The following G3BP2 variants were observed in gnomAD, a reference collection of about 807,000 sequenced individuals.
G3BP2 encodes the protein ras GTPase-activating protein-binding protein 2.
A neutral mutation model predicts 56.7 loss-of-function variants in G3BP2; 11 were observed. That is an observed-to-expected ratio of 0.19 (90% CI 0.12 to 0.32). The LOEUF (loss-of-function observed/expected upper bound fraction) is 0.32. Among genes scored for constraint, G3BP2 ranks in the 10% least tolerant of loss-of-function variants. The pLI, the probability that G3BP2 is intolerant of heterozygous loss-of-function variation, is 1.00. For synonymous variants in G3BP2, 165 were observed against 191.6 expected, an observed-to-expected ratio of 0.86 and a Z score of 1.15; for missense variants, 340 against 610.9, an observed-to-expected ratio of 0.56 and a Z score of 4.67.
upstream of G3BP2, among the ~76,000 whole-genome samples, chr4:75,676,219 GCAATGTCCAC>G (rs906040425): frequency 3.3e-5 from 5 of 152,124 alleles, no homozygotes; most frequent in Admixed American, 3.3e-4. Flanking sequence ...CCTCCATGAA[GCAATGTCCAC>G]CTCCTATAGA....
chr4:75,658,083 G>T (rs530688361), intron 3 of G3BP2, among the ~76,000 whole-genome samples: 1 of 152,150 alleles, frequency 6.6e-6, no homozygotes, highest in African/African-American at 2.4e-5. Context: ...TCCTTATTTG[G>T]TAAGGCCAAA....
At chr4:75,676,452 C>T (rs560692581), upstream of G3BP2, among the ~76,000 whole-genome samples, 15 of 150,480 alleles carry the variant, frequency 1.0e-4, no homozygotes, top group South Asian at 1.0e-3. Flanking sequence ...AAGCCATTCT[C>T]CTGCCTTGGC....
chr4:75,676,886 T>G (rs1010185458), upstream of G3BP2, among the ~76,000 whole-genome samples: 3 of 152,148 alleles, frequency 2.0e-5, no homozygotes, highest in Non-Finnish European at 4.4e-5. Context: ...TCCTTACCTA[T>G]TACTTCCATT....
At chr4:75,675,768 G>A (rs1314588503), upstream of G3BP2, among the ~76,000 whole-genome samples, 1 of 152,110 alleles carries the variant, frequency 6.6e-6, no homozygotes, top group African/African-American at 2.4e-5. Flanking sequence ...CTCCAGCCTG[G>A]GTGACAACAG....
chr4:75,690,667 G>C (rs1718818642), intron 3 of G3BP2, among the ~76,000 whole-genome samples: 4 of 151,974 alleles, frequency 2.6e-5, no homozygotes, highest in Admixed American at 2.6e-4. Flanking sequence ...TGCCTCCCGG[G>C]GTCAAATTAT....
chr4:75,715,717 A>T (rs1706977043), intron 3 of G3BP2, among the ~76,000 whole-genome samples: 1 of 152,216 alleles, frequency 6.6e-6, no homozygotes, highest in African/African-American at 2.4e-5. Context: ...AAAGCTAATC[A>T]ACCCATCAGC....
intron 1 of G3BP2, 68 bp downstream of exon 1, chr4:75,673,140 G>A (rs1733640438): frequency 8.9e-7 from 1 of 1,117,436 alleles, no homozygotes; most frequent in Non-Finnish European, 1.1e-6. Context: ...GCCTCGCGCC[G>A]CGGAGCGCGA....
In G3BP2 at chr4:75,697,273, C is replaced by CAAA. The variant is rs869037819; in HGVS notation, c.-25+23601_-25+23603dup. Among the ~76,000 whole-genome samples the CAAA allele has an allele frequency of 7.3e-4, 21 of 28,834 alleles. 3 individuals are homozygous for CAAA. The South Asian group carries it at 9.8e-3, about 13-fold the overall frequency. 18.9% of individuals were successfully genotyped at this position (28,834 alleles called of 152,430 possible). A position where few individuals can be genotyped will look rare whatever the true frequency, so the allele number is the denominator to read the frequency against. ...TGGCTGACAGAGCGAGACTCTGTCT[C>CAAA]AAAAAAAAAAAAAAAAAAAAAAAAA... On this transcript the variant is annotated intron_variant, in intron 3 of 3. Transcript: ENST00000499709.
intron 1 of G3BP2, among the ~76,000 whole-genome samples, chr4:75,723,668 T>C (rs915188299): frequency 6.6e-6 from 1 of 152,106 alleles, no homozygotes; most frequent in African/African-American, 2.4e-5. Context: ...AGCAGCATAT[T>C]GACTTTTTTT....
chr4:75,671,074 T>C (rs1733444258), intron 1 of G3BP2, among the ~76,000 whole-genome samples: 1 of 152,168 alleles, frequency 6.6e-6, no homozygotes, highest in African/African-American at 2.4e-5. Context: ...AAACTAATTC[T>C]ATTGCTTCTG....
At position 75,711,518 on chromosome 4, in the gene G3BP2, G is replaced by C. The variant is rs766590411; in HGVS notation, c.-25+9359C>G. On this transcript the variant is annotated intron_variant, in intron 3 of 3. Coordinates refer to the G3BP2 transcript ENST00000499709. ...ACCTGAGGTCAGGAGTTTGAGACCA[G>C]CCTGGCCAACGTGGTGAAATCCTGC... Among the ~76,000 whole-genome samples, 16 of 151,944 alleles carry C rather than the reference G, an allele frequency of 1.1e-4. No homozygotes were observed. In the South Asian group the frequency reaches 2.1e-3, roughly 20 times the overall value.
At chr4:75,662,220 A>AT (rs1732618619) in intron 1 of G3BP2, 171 bp from the exon 2 acceptor site, 59 of 402,830 alleles carry the variant, frequency 1.5e-4, no homozygotes, top group Middle Eastern at 5.5e-4. Flanking sequence ...AACCTGAAAT[A>AT]ATTTTTTTTT....
In G3BP2 at chr4:75,673,395, G is replaced by C; in HGVS notation, c.-212C>G. The C allele has an allele frequency of 8.1e-7, 1 of 1,232,188 alleles. No homozygotes were observed. Among genetic ancestry groups the C allele is most frequent in the Non-Finnish European group, 1.0e-6 (1 of 988,012 alleles). 76.3% of individuals were successfully genotyped at this position (1,232,188 alleles called of 1,614,324 possible). ...CCGGGCGCCAGGCGCTGCGACGTGC[G>C]ACAAGGACCACGGACGTCCCGCCCC... On this transcript the variant is annotated 5_prime_UTR_variant, in exon 1 of 12. Transcript: ENST00000359707.
At chr4:75,700,351 C>T (rs984348545) in intron 3 of G3BP2, among the ~76,000 whole-genome samples, 4 of 144,614 alleles carry the variant, frequency 2.8e-5, no homozygotes, top group African/African-American at 1.0e-4. Flanking sequence ...CACGCCCAGC[C>T]CTGAATGCTT....
At chr4:75,710,379 T>G (rs892768737) in intron 3 of G3BP2, among the ~76,000 whole-genome samples, 3 of 152,174 alleles carry the variant, frequency 2.0e-5, no homozygotes, top group Non-Finnish European at 4.4e-5. Flanking sequence ...GGGAAACACT[T>G]CCTCTATAAG....
intron 3 of G3BP2, among the ~76,000 whole-genome samples, chr4:75,715,597 C>T (rs1161668699): frequency 6.6e-6 from 1 of 152,174 alleles, no homozygotes; most frequent in African/African-American, 2.4e-5. Context: ...AAAATCAAAA[C>T]TGCTGCACCA....
intron 3 of G3BP2, among the ~76,000 whole-genome samples, chr4:75,702,344 A>G (rs541375622): frequency 1.3e-5 from 2 of 152,168 alleles, no homozygotes; most frequent in South Asian, 2.1e-4. Flanking sequence ...GGGTTTTGCC[A>G]TGTTGCCTAG....
At chr4:75,723,565 A>C (rs1419657442) in intron 1 of G3BP2, among the ~76,000 whole-genome samples, 1 of 152,238 alleles carries the variant, frequency 6.6e-6, no homozygotes, top group African/African-American at 2.4e-5. Flanking sequence ...GTGGGTGGAA[A>C]GCCAGAGTCT....
At chr4:75,690,148 T>C (rs1037576995) in intron 3 of G3BP2, among the ~76,000 whole-genome samples, 4 of 152,070 alleles carry the variant, frequency 2.6e-5, no homozygotes, top group Admixed American at 2.0e-4. Context: ...AAATCAACAT[T>C]AGAGGACAGG....
Sources: gnomAD v4.1 joint callset for allele counts (sites outside exome capture counted in the v4.1 genomes callset) on GRCh38, gnomAD v4.1.1 for gene constraint, MANE v1.5 for transcripts, NCBI Gene and HGNC (gene_info 2026-07-23, HGNC 2026-07-21) for gene names.